Variants in CHRM3 observed in about 807,000 individuals in gnomAD.
CHRM3 encodes the protein cholinergic receptor muscarinic 3.
Under a neutral mutation model 41.8 loss-of-function variants are expected in CHRM3, and 11 were observed. The observed-to-expected ratio is 0.26, with a 90% CI of 0.17 to 0.44. CHRM3 has a LOEUF of 0.44. CHRM3 is among the 20% of genes least tolerant of loss of function. The pLI is 1.00. For missense variants in CHRM3, 571 were observed against 745.4 expected, an observed-to-expected ratio of 0.77 and a Z score of 2.72; for synonymous variants, 297 against 301.4, an observed-to-expected ratio of 0.99 and a Z score of 0.15.
intron 6 of CHRM3, among the ~76,000 whole-genome samples, chr1:239,877,730 T>C (rs1053483379): frequency 1.5e-5 from 2 of 136,806 alleles, no homozygotes; most frequent in Non-Finnish European, 3.0e-5. Context: ...AATATTCAGA[T>C]TTTTTTTTTC....
chr1:239,592,678 T>C (rs567437419), intron 3 of CHRM3, among the ~76,000 whole-genome samples: 2 of 152,304 alleles, frequency 1.3e-5, no homozygotes, highest in South Asian at 4.1e-4. Context: ...ATTTCATTTG[T>C]GTGGTAAATG....
intron 1 of CHRM3, among the ~76,000 whole-genome samples, chr1:239,418,038 G>A (rs374834543): frequency 3.3e-5 from 5 of 152,138 alleles, no homozygotes; most frequent in East Asian, 1.9e-4. Context: ...TCCATGTTTC[G>A]TAAATGTTTG....
intron 3 of CHRM3, among the ~76,000 whole-genome samples, chr1:239,614,976 A>T (rs904381940): frequency 1.3e-4 from 20 of 152,208 alleles, no homozygotes; most frequent in African/African-American, 4.1e-4. Context: ...TGGAATTTAT[A>T]AAAGGAAAAT....
intron 1 of CHRM3, among the ~76,000 whole-genome samples, chr1:239,475,329 G>T (rs1295959110): frequency 6.6e-6 from 1 of 152,068 alleles, no homozygotes; most frequent in Non-Finnish European, 1.5e-5. Flanking sequence ...ATTATGTTCA[G>T]AATGTACCCT....
chr1:239,546,115 A>T (rs1423344105), intron 3 of CHRM3: 3 of 152,174 alleles, frequency 2.0e-5, no homozygotes, highest in Non-Finnish European at 4.4e-5. Flanking sequence ...TACCGAGTTT[A>T]TGCTTTGCAA....
At chr1:239,750,853 T>A (rs990833356) in intron 5 of CHRM3, among the ~76,000 whole-genome samples, 2 of 152,186 alleles carry the variant, frequency 1.3e-5, no homozygotes, top group African/African-American at 4.8e-5. Flanking sequence ...TCAATTAAAC[T>A]TTGTTCAATT....
intron 3 of CHRM3, among the ~76,000 whole-genome samples, chr1:239,595,575 A>G (rs544753122): frequency 2.6e-4 from 40 of 152,274 alleles, no homozygotes; most frequent in African/African-American, 9.1e-4. Flanking sequence ...TTGTGTTATA[A>G]TAGCATTTTC....
chr1:239,823,044 G>A (rs925017179), intron 5 of CHRM3, among the ~76,000 whole-genome samples: 1 of 152,186 alleles, frequency 6.6e-6, no homozygotes, highest in Admixed American at 6.5e-5. Flanking sequence ...AGGAGTTCAA[G>A]GCTGAAATTT....
At chr1:239,830,565 G>A (rs933028890) in intron 6 of CHRM3, among the ~76,000 whole-genome samples, 4 of 152,206 alleles carry the variant, frequency 2.6e-5, no homozygotes, top group Non-Finnish European at 4.4e-5. Context: ...CTAGCCAGGT[G>A]TGGTGGCGCG....
intron 5 of CHRM3, among the ~76,000 whole-genome samples, chr1:239,730,676 C>T (rs188765186): frequency 1.1e-4 from 17 of 151,924 alleles, no homozygotes; most frequent in Admixed American, 3.9e-4. Flanking sequence ...GAACCATGGA[C>T]GCTGAGTCTG....
intron 1 of CHRM3, among the ~76,000 whole-genome samples, chr1:239,416,283 C>G (rs781667211): frequency 6.6e-6 from 1 of 151,924 alleles, no homozygotes; most frequent in South Asian, 2.1e-4. Context: ...ACTATCGATA[C>G]AGGAACTAAC....
intron 6 of CHRM3, among the ~76,000 whole-genome samples, chr1:239,865,574 C>T (rs2149292793): frequency 6.6e-6 from 1 of 152,188 alleles, no homozygotes; most frequent in East Asian, 1.9e-4. Context: ...TGGCACTATT[C>T]CAAGAGGTGG....
At chr1:239,896,070 C>G (rs1037365779) in intron 6 of CHRM3, among the ~76,000 whole-genome samples, 3 of 152,198 alleles carry the variant, frequency 2.0e-5, no homozygotes, top group African/African-American at 4.8e-5. Flanking sequence ...TGCTAACTCT[C>G]AAGGCACAAA....
In CHRM3 at chr1:239,909,360, T is replaced by G; in HGVS notation, c.*136T>G. 1.2e-6 allele frequency: 1 copy of G among 814,958 alleles called. No individual in the cohort carries two copies. The highest frequency in any genetic ancestry group is 1.9e-6 in the Non-Finnish European group (1 of 528,980). 50.5% of individuals were successfully genotyped at this position (814,958 alleles called of 1,614,324 possible). On this transcript the variant is annotated 3_prime_UTR_variant, in exon 7 of 7. Transcript: ENST00000676153. ...ACCCAGATGTGAAAGAAGCTGCCTG[T>G]TTACTGATCCATTGAATAAACCCAT...
chr1:239,544,564 A>C (rs1421020107), intron 2 of CHRM3, among the ~76,000 whole-genome samples: 1 of 152,198 alleles, frequency 6.6e-6, no homozygotes, highest in Admixed American at 6.5e-5. Context: ...ACAGAAAGAT[A>C]ACTTTGGCAA....
rs144290419 is a variant in CHRM3 at position 239,876,123 on chromosome 1, G to A, written c.-19-31310G>A. Reference sequence around the variant, plus strand: ...CGAAAGTGGCAAATATGTTCAGCTCGTTGGTCCAGTTTAATCTCTCGTTCA... The same window carrying A: ...CGAAAGTGGCAAATATGTTCAGCTCATTGGTCCAGTTTAATCTCTCGTTCA... On this transcript the variant is annotated intron_variant, in intron 6 of 6. Coordinates refer to ENST00000676153, the MANE Select transcript of CHRM3 (RefSeq NM_001375978.1). 1.5e-3 allele frequency among the ~76,000 whole-genome samples: 224 copies of A among 152,288 alleles called. 5 individuals are homozygous for A. In the East Asian group the frequency reaches 0.031, roughly 21 times the overall value.
intron 5 of CHRM3, among the ~76,000 whole-genome samples, chr1:239,770,144 A>T (rs1387735492): frequency 6.6e-6 from 1 of 152,200 alleles, no homozygotes; most frequent in Non-Finnish European, 1.5e-5. Context: ...TGGAGAGTAC[A>T]GCCGACCTAT....
At chr1:239,801,663 T>C (rs1670224651) in intron 5 of CHRM3, among the ~76,000 whole-genome samples, 1 of 152,190 alleles carries the variant, frequency 6.6e-6, no homozygotes, top group Non-Finnish European at 1.5e-5. Context: ...GAAAATGATA[T>C]CTATAATCAG....
chr1:239,407,417 T>TATATATATATATATATATATAGAGAGAG, intron 1 of CHRM3, among the ~76,000 whole-genome samples: 65 of 134,178 alleles, frequency 4.8e-4, no homozygotes, highest in South Asian at 1.4e-3. Context: ...TATATATATA[T>TATATATATATATATATATATAGAGAGAG]AGAGAGAGAG....
Sources: gnomAD v4.1 joint callset for allele counts (sites outside exome capture counted in the v4.1 genomes callset) on GRCh38, gnomAD v4.1.1 for gene constraint, MANE v1.5 for transcripts, NCBI Gene and HGNC (gene_info 2026-07-23, HGNC 2026-07-21) for gene names.